CPNE4: variants seen among roughly 807,000 people sequenced by gnomAD.
CPNE4 encodes the protein copine-4.
CPNE4 carries 25 observed loss-of-function variants against 67.9 expected under a neutral mutation model. The observed-to-expected ratio is 0.37, with a 90% CI of 0.27 to 0.51. CPNE4 has a LOEUF of 0.51. Ranked by LOEUF, CPNE4 falls within the 20% of genes least tolerant of loss-of-function variation. CPNE4 has a pLI of 0.93. For missense variants in CPNE4, 464 were observed against 690.8 expected (o/e 0.67, Z 3.68); for synonymous variants, 242 against 244.9 (o/e 0.99, Z 0.11).
chr3:131,664,935 G>C (rs935827913), intron 7 of CPNE4, among the ~76,000 whole-genome samples: 5 of 151,974 alleles, frequency 3.3e-5, no homozygotes, highest in Admixed American at 2.0e-4. Context: ...TTATCTCTTG[G>C]GTTACCATAA....
chr3:131,629,128 T>C (rs1040795573), intron 7 of CPNE4, among the ~76,000 whole-genome samples: 1 of 152,192 alleles, frequency 6.6e-6, no homozygotes, highest in Non-Finnish European at 1.5e-5. Flanking sequence ...TCAAAGAACA[T>C]CTTTATTTCT....
At chr3:131,836,348 GAA>G (rs1210359491) in intron 2 of CPNE4, among the ~76,000 whole-genome samples, 2 of 151,750 alleles carry the variant, frequency 1.3e-5, no homozygotes, top group Non-Finnish European at 2.9e-5. Flanking sequence ...CAGTCTAAAA[GAA>G]AAAAAGTGTA....
At chr3:131,876,882 C>A (rs4444755) in intron 2 of CPNE4, among the ~76,000 whole-genome samples, 96,260 of 151,910 alleles carry the variant, frequency 0.63, 30,726 homozygotes, top group Admixed American at 0.72. Context: ...CCAGCACCAG[C>A]ACAGGGAATT....
intron 7 of CPNE4, among the ~76,000 whole-genome samples, chr3:131,592,931 G>T (rs774349551): frequency 3.3e-5 from 5 of 152,096 alleles, no homozygotes; most frequent in Non-Finnish European, 7.3e-5. Context: ...CTGAGGGATC[G>T]GGTTACTCCC....
At chr3:131,963,432 AAGTGGTCTCACTCAGT>A (rs1468487635) in intron 1 of CPNE4, among the ~76,000 whole-genome samples, 1 of 151,972 alleles carries the variant, frequency 6.6e-6, no homozygotes, top group Non-Finnish European at 1.5e-5. Context: ...CCAGGGAGCC[AAGTGGTCTCACTCAGT>A]GGGTCCCAGT....
chr3:131,924,440 G>T (rs1359899733), intron 1 of CPNE4, among the ~76,000 whole-genome samples: 1 of 152,038 alleles, frequency 6.6e-6, no homozygotes, highest in Non-Finnish European at 1.5e-5. Flanking sequence ...GAGAGTGAAA[G>T]GATCTAGAAT....
intron 1 of CPNE4, among the ~76,000 whole-genome samples, chr3:131,997,252 T>C (rs1273263700): frequency 6.6e-6 from 1 of 152,132 alleles, no homozygotes; most frequent in Non-Finnish European, 1.5e-5. Flanking sequence ...TTCCAACAGC[T>C]GCTGTTATCC....
intron 2 of CPNE4, among the ~76,000 whole-genome samples, chr3:131,774,305 T>A (rs1162403382): frequency 6.6e-6 from 1 of 151,320 alleles, no homozygotes; most frequent in African/African-American, 2.4e-5. Flanking sequence ...GAGGGAATTC[T>A]GCAATATATT....
chr3:131,810,706 T>C (rs2084491572), intron 2 of CPNE4, among the ~76,000 whole-genome samples: 1 of 152,094 alleles, frequency 6.6e-6, no homozygotes, highest in Non-Finnish European at 1.5e-5. Context: ...AGAATTGAAA[T>C]TCGGATCTGG....
chr3:131,538,113 A>AAGAT (rs1170607033), intron 15 of CPNE4, among the ~76,000 whole-genome samples: 8 of 152,206 alleles, frequency 5.3e-5, no homozygotes, highest in Admixed American at 1.3e-4. Context: ...TAATCCCTGT[A>AAGAT]AGATGGATTT....
intron 3 of CPNE4, among the ~76,000 whole-genome samples, chr3:131,706,795 C>T (rs1307552063): frequency 6.6e-6 from 1 of 152,194 alleles, no homozygotes; most frequent in Non-Finnish European, 1.5e-5. Flanking sequence ...TCCAGGCATT[C>T]GTTTCTATTG....
intron 1 of CPNE4, among the ~76,000 whole-genome samples, chr3:131,929,723 G>T (rs1291800478): frequency 2.6e-5 from 4 of 151,946 alleles, no homozygotes; most frequent in Admixed American, 1.3e-4. Flanking sequence ...CTCTATTTTT[G>T]GAAAGCTCAC....
intron 2 of CPNE4, among the ~76,000 whole-genome samples, chr3:131,754,697 T>G (rs1010088572): frequency 6.6e-6 from 1 of 152,070 alleles, no homozygotes; most frequent in African/African-American, 2.4e-5. Flanking sequence ...CAAAAGAGTA[T>G]AGTTGAAGTT....
At chr3:131,741,214 T>C (rs967070511) in intron 2 of CPNE4, among the ~76,000 whole-genome samples, 2 of 152,154 alleles carry the variant, frequency 1.3e-5, no homozygotes, top group African/African-American at 4.8e-5. Context: ...ATGACAACAG[T>C]ATTTAAAATA....
chr3:131,875,409 T>C (rs1202372983), intron 2 of CPNE4, among the ~76,000 whole-genome samples: 1 of 152,040 alleles, frequency 6.6e-6, no homozygotes, highest in Non-Finnish European at 1.5e-5. Context: ...CTGTTCACAA[T>C]AGCAAAGACT....
rs374137893 is a variant in CPNE4 at position 131,780,490 on chromosome 3, C to T, written c.181-56865G>A. Among the ~76,000 whole-genome samples, 6 of 152,112 alleles carry T rather than the reference C, an allele frequency of 3.9e-5. No individual in the cohort carries two copies. In the East Asian group the frequency reaches 5.8e-4, roughly 15 times the overall value. ...GGTACATACACACCATGGAATACTACACAGCCATAAAAATAAAAAGATCAT... is the reference window on the plus strand; with the variant it reads ...GGTACATACACACCATGGAATACTATACAGCCATAAAAATAAAAAGATCAT... On this transcript the variant is annotated intron_variant, in intron 2 of 15. Coordinates refer to ENST00000429747, the MANE Select transcript of CPNE4 (RefSeq NM_130808.3).
At chr3:131,977,853 C>A (rs150174892) in intron 1 of CPNE4, among the ~76,000 whole-genome samples, 2 of 151,182 alleles carry the variant, frequency 1.3e-5, no homozygotes, top group Non-Finnish European at 2.9e-5. Context: ...CCTCCTAGGT[C>A]CCCAAAGTCC....
At chr3:131,723,665 A>T in intron 2 of CPNE4, 40 bp from the exon 3 acceptor site, 1 of 1,534,004 alleles carries the variant, frequency 6.5e-7, no homozygotes, top group Non-Finnish European at 9.0e-7. Flanking sequence ...GATAAGGATT[A>T]TTTTTATTAT....
chr3:131,985,725 T>C (rs907982965), intron 1 of CPNE4: 4 of 152,492 alleles, frequency 2.6e-5, no homozygotes, highest in African/African-American at 9.6e-5. Flanking sequence ...TTAAGTCATA[T>C]GCCCATCAAC....
Sources: gnomAD v4.1 joint callset for allele counts (sites outside exome capture counted in the v4.1 genomes callset) on GRCh38, gnomAD v4.1.1 for gene constraint, MANE v1.5 for transcripts, NCBI Gene and HGNC (gene_info 2026-07-23, HGNC 2026-07-21) for gene names.